Variants in GRM3 observed in about 807,000 individuals in gnomAD.
The protein encoded by GRM3 is metabotropic glutamate receptor 3.
GRM3 carries 26 observed loss-of-function variants against 70.5 expected under a neutral mutation model. The observed-to-expected ratio is 0.37, with a 90% CI of 0.27 to 0.51. The LOEUF (loss-of-function observed/expected upper bound fraction) is 0.51, where lower values mean the gene tolerates loss of function less well. Ranked by LOEUF, GRM3 falls within the 20% of genes least tolerant of loss-of-function variation. The pLI is 0.93. For missense variants in GRM3, 859 were observed against 1,123.8 expected, an observed-to-expected ratio of 0.76 and a Z score of 3.37; for synonymous variants, 443 against 434.9, an observed-to-expected ratio of 1.02 and a Z score of -0.23.
chr7:86,682,415 T>A (rs1052376040), intron 1 of GRM3, among the ~76,000 whole-genome samples: 1 of 152,166 alleles, frequency 6.6e-6, no homozygotes, highest in Admixed American at 6.6e-5. Flanking sequence ...ATGTACCCAG[T>A]AAGATAAAAA....
chr7:86,689,427 CATAA>C (rs1177712249), intron 1 of GRM3, among the ~76,000 whole-genome samples: 5 of 151,970 alleles, frequency 3.3e-5, no homozygotes, highest in Non-Finnish European at 7.4e-5. Flanking sequence ...GAAAATAAAT[CATAA>C]ATAGTAACAA....
At chr7:86,733,780 C>A (rs566971855) in intron 1 of GRM3, among the ~76,000 whole-genome samples, 1 of 152,204 alleles carries the variant, frequency 6.6e-6, no homozygotes, top group East Asian at 1.9e-4. Flanking sequence ...CACAAGCGAG[C>A]CTAGGTGCAA....
At chr7:86,806,362 C>T (rs1178679496) in intron 3 of GRM3, among the ~76,000 whole-genome samples, 6 of 152,194 alleles carry the variant, frequency 3.9e-5, no homozygotes, top group Non-Finnish European at 8.8e-5. Flanking sequence ...TATAGTCACA[C>T]CAACAGTGTA....
intron 1 of GRM3, among the ~76,000 whole-genome samples, chr7:86,652,854 C>T (rs1793641128): frequency 6.6e-6 from 1 of 152,158 alleles, no homozygotes; most frequent in Non-Finnish European, 1.5e-5. Flanking sequence ...TTGAAGTTTA[C>T]TTAAAATGAA....
At chr7:86,692,104 C>T (rs751406893) in intron 1 of GRM3, among the ~76,000 whole-genome samples, 12 of 152,154 alleles carry the variant, frequency 7.9e-5, no homozygotes, top group Admixed American at 3.3e-4. Context: ...AACAAAGGTA[C>T]TTTCACCTAG....
intron 1 of GRM3, among the ~76,000 whole-genome samples, chr7:86,690,661 T>A (rs1794675838): frequency 6.6e-6 from 1 of 152,046 alleles, no homozygotes; most frequent in Admixed American, 6.6e-5. Flanking sequence ...GTGACACCAT[T>A]TACTGGGATT....
chr7:86,831,693 G>A (rs1798355321), intron 3 of GRM3, among the ~76,000 whole-genome samples: 1 of 143,592 alleles, frequency 7.0e-6, no homozygotes, highest in Non-Finnish European at 1.5e-5. Flanking sequence ...ATAATACGTA[G>A]AATCTAGATA....
chr7:86,754,625 T>C (rs1584217044), intron 1 of GRM3, among the ~76,000 whole-genome samples: 1 of 152,106 alleles, frequency 6.6e-6, no homozygotes, highest in African/African-American at 2.4e-5. Flanking sequence ...ATGTAGAACA[T>C]TAACCATAGT....
In GRM3 at chr7:86,864,640, AAAAAAAAAAAC is replaced by A. The variant is rs1273341958; in HGVS notation, c.*296_*306del. 2.0e-4 allele frequency: 40 copies of A among 204,840 alleles called. No individual in the cohort carries two copies. In the East Asian group the frequency reaches 2.7e-3, roughly 14 times the overall value. The allele number at this position is 204,840 out of a possible 1,614,324, so 12.7% of individuals were successfully genotyped here. A position where few individuals can be genotyped will look rare whatever the true frequency, so the allele number is the denominator to read the frequency against. On this transcript the variant is annotated 3_prime_UTR_variant, in exon 6 of 6. Coordinates refer to ENST00000361669, the MANE Select transcript of GRM3 (RefSeq NM_000840.3). ...GACATGGTCAGTCTACTAAAAAACA[AAAAAAAAAAAC>A]AAAAAAAAAAAAACAAAAGAAAAAA... is the stretch of plus-strand genomic sequence containing the variant.
At chr7:86,717,358 CTT>C (rs961438095) in intron 1 of GRM3, among the ~76,000 whole-genome samples, 2 of 151,938 alleles carry the variant, frequency 1.3e-5, no homozygotes, top group Non-Finnish European at 1.5e-5. Flanking sequence ...TGAGCAATGA[CTT>C]TTATTTAAAT....
intron 3 of GRM3, among the ~76,000 whole-genome samples, chr7:86,823,418 T>G (rs754096354): frequency 4.6e-5 from 7 of 151,990 alleles, no homozygotes; most frequent in Non-Finnish European, 8.8e-5. Flanking sequence ...CAACTCCAAT[T>G]TAAAAGAAAA....
chr7:86,689,585 G>A (rs1234777996), intron 1 of GRM3, among the ~76,000 whole-genome samples: 7 of 151,996 alleles, frequency 4.6e-5, no homozygotes, highest in African/African-American at 1.7e-4. Context: ...TTAATATTTT[G>A]CACTTATTTA....
chr7:86,850,235 T>C (rs1169719935), intron 4 of GRM3, 135 bp from the exon 5 acceptor site: 7 of 612,912 alleles, frequency 1.1e-5, no homozygotes, highest in Non-Finnish European at 1.8e-5. Flanking sequence ...AATTACTGTA[T>C]TGATTTGGCT....
intron 2 of GRM3, among the ~76,000 whole-genome samples, chr7:86,779,452 A>T (rs1173438507): frequency 6.6e-6 from 1 of 152,182 alleles, no homozygotes; most frequent in Non-Finnish European, 1.5e-5. Context: ...ACCCATCATT[A>T]TAATTAGAAA....
At chr7:86,662,284 C>G (rs1793913808) in intron 1 of GRM3, among the ~76,000 whole-genome samples, 1 of 151,794 alleles carries the variant, frequency 6.6e-6, no homozygotes. Flanking sequence ...TTATTAACCT[C>G]TGTACATTTA....
chr7:86,763,152 A>G (rs994624539), intron 1 of GRM3, among the ~76,000 whole-genome samples: 3 of 152,140 alleles, frequency 2.0e-5, no homozygotes, highest in African/African-American at 7.2e-5. Context: ...GAGCACATGA[A>G]TAGTGTGGCT....
At chr7:86,744,981 T>C (rs1172502245) in intron 1 of GRM3, among the ~76,000 whole-genome samples, 1 of 151,922 alleles carries the variant, frequency 6.6e-6, no homozygotes. Flanking sequence ...CTAGGTACCT[T>C]AGTTGTCTTG....
chr7:86,798,017 G>C (rs1291381207), intron 3 of GRM3, among the ~76,000 whole-genome samples: 3 of 152,226 alleles, frequency 2.0e-5, no homozygotes, highest in Non-Finnish European at 2.9e-5. Context: ...CAATAATTGA[G>C]GTTTGGGAAC....
rs17160940 is a variant in GRM3, at chr7:86,731,501, G to C, written c.-140-33505G>C. Among the ~76,000 whole-genome samples, 1,362 of 152,206 alleles carry C rather than the reference G, an allele frequency of 8.9e-3. 17 individuals are homozygous for C. Among genetic ancestry groups the C allele is most frequent in the African/African-American group, 0.031 (1,297 of 41,534 alleles). On this transcript the variant is annotated intron_variant, in intron 1 of 5. Transcript: ENST00000361669. ...TCAACCAGTTTTGATGAATAAAAAAGCTAATTTTACATGGTTTAACCTAAT... is the reference window on the plus strand; with the variant it reads ...TCAACCAGTTTTGATGAATAAAAAACCTAATTTTACATGGTTTAACCTAAT...
Sources: gnomAD v4.1 joint callset for allele counts (sites outside exome capture counted in the v4.1 genomes callset) on GRCh38, gnomAD v4.1.1 for gene constraint, MANE v1.5 for transcripts, NCBI Gene and HGNC (gene_info 2026-07-23, HGNC 2026-07-21) for gene names.